METTL9: variants seen among roughly 807,000 people sequenced by gnomAD.
METTL9 encodes methyltransferase 9, His-X-His N1(pi)-histidine.
Under a neutral mutation model 36.0 loss-of-function variants are expected in METTL9, and 10 were observed. The ratio of observed to expected loss-of-function variants is 0.28; its 90% CI spans 0.17 to 0.47. METTL9 has a LOEUF of 0.47. METTL9 is among the 20% of genes least tolerant of loss of function. The pLI, the probability that METTL9 is intolerant of heterozygous loss-of-function variation, is 0.99. For missense variants in METTL9, 246 were observed against 383.5 expected (o/e 0.64, Z 3.00); for synonymous variants, 175 against 149.7 (o/e 1.17, Z -1.23).
rs757507004 is a variant in METTL9 at position 21,612,850 on chromosome 16, G to A, written c.356+15G>A. 3.2e-6 allele frequency: 5 copies of A among 1,553,640 alleles called. No individual in the cohort carries two copies. The East Asian group carries it at 7.0e-5, about 22-fold the overall frequency. ...TCTATCAATGGGTAAGTGAATCTTGGACATTTATTTTTTTCTTTATCCTTA... is the reference window on the plus strand; with the variant it reads ...TCTATCAATGGGTAAGTGAATCTTGAACATTTATTTTTTTCTTTATCCTTA... On this transcript the variant is annotated intron_variant, in intron 2 of 4. Transcript: ENST00000358154.
upstream of METTL9, chr16:21,599,372 C>G (rs1965030142): frequency 9.6e-7 from 1 of 1,045,422 alleles, no homozygotes; most frequent in African/African-American, 1.7e-5. The surrounding 1 kb of genome is among the most constrained non-coding windows in gnomAD (Gnocchi z 4.4). Context: ...AAGGCAGGGC[C>G]GGGACACGAG....
intron 4 of METTL9, chr16:21,627,038 G>C: frequency 5.1e-6 from 5 of 985,418 alleles, no homozygotes; most frequent in Non-Finnish European, 6.0e-6. Flanking sequence ...TGAGTCTGAG[G>C]AGTCTGGCAT....
intron 4 of METTL9, among the ~76,000 whole-genome samples, chr16:21,632,414 C>T (rs915289169): frequency 6.6e-6 from 1 of 152,142 alleles, no homozygotes; most frequent in Non-Finnish European, 1.5e-5. Context: ...CCCTTTGTAT[C>T]CCATTCTCCA....
chr16:21,621,149 A>AGAGAGTGT (rs1555489994), intron 3 of METTL9, among the ~76,000 whole-genome samples: 8 of 144,620 alleles, frequency 5.5e-5, no homozygotes, highest in African/African-American at 2.0e-4. Context: ...TGAGAGAGAG[A>AGAGAGTGT]GTGTGTGTGT....
chr16:21,604,474 G>C (rs1965220065), intron 1 of METTL9, among the ~76,000 whole-genome samples: 1 of 152,106 alleles, frequency 6.6e-6, no homozygotes, highest in Admixed American at 6.6e-5. Flanking sequence ...CCAGTAATTG[G>C]TTATTAAATC....
rs1320720454 is a variant in METTL9, at chr16:21,656,586, C to T, written c.*1154C>T. The T allele has an allele frequency of 2.6e-5, 4 of 152,112 alleles. No homozygotes were observed. Among genetic ancestry groups the T allele is most frequent in the African/African-American group, 9.7e-5 (4 of 41,410 alleles). The allele number at this position is 152,112 out of a possible 1,614,324, so 9.4% of individuals were successfully genotyped here. On this transcript the variant is annotated 3_prime_UTR_variant, in exon 5 of 5. Transcript: ENST00000358154. ...ATATTCCAAAGAGCAGAGCATTTAA[C>T]CCAGAATCTGAAATCTCAGTAATAA...
At chr16:21,626,906 G>A (rs1027292723) in intron 4 of METTL9, 1 of 964,448 alleles carries the variant, frequency 1.0e-6, no homozygotes, top group Non-Finnish European at 1.2e-6. Flanking sequence ...ATCTAACCAC[G>A]AATTTTATTT....
At chr16:21,615,953 G>A (rs1032309921) in intron 2 of METTL9, among the ~76,000 whole-genome samples, 1 of 152,120 alleles carries the variant, frequency 6.6e-6, no homozygotes, top group African/African-American at 2.4e-5. Flanking sequence ...GGTCTCTGAG[G>A]TCTTTCTCCA....
At chr16:21,632,323 G>T (rs550621620) in intron 4 of METTL9, among the ~76,000 whole-genome samples, 1 of 152,324 alleles carries the variant, frequency 6.6e-6, no homozygotes, top group African/African-American at 2.4e-5. Flanking sequence ...AGTGCCACTA[G>T]TTATGCTAAC....
At chr16:21,638,554 TATAAAG>T (rs1421334107) in intron 4 of METTL9, among the ~76,000 whole-genome samples, 1 of 152,150 alleles carries the variant, frequency 6.6e-6, no homozygotes, top group Non-Finnish European at 1.5e-5. Context: ...CAAGTGGAAA[TATAAAG>T]ATAAATGAGA....
At chr16:21,653,589 G>A (rs1377404812) in intron 4 of METTL9, 1 of 152,302 alleles carries the variant, frequency 6.6e-6, no homozygotes, top group African/African-American at 2.4e-5. Context: ...CCACAGCCAG[G>A]AAGAATGCCT....
intron 1 of METTL9, among the ~76,000 whole-genome samples, chr16:21,611,707 A>G (rs1196770264): frequency 1.3e-5 from 2 of 152,124 alleles, no homozygotes; most frequent in Non-Finnish European, 2.9e-5. Flanking sequence ...CTAGTCTACA[A>G]ATGAATGGAG....
intron 1 of METTL9, among the ~76,000 whole-genome samples, chr16:21,609,362 T>C (rs1965370217): frequency 6.6e-6 from 1 of 152,172 alleles, no homozygotes; most frequent in Admixed American, 6.5e-5. Flanking sequence ...TCTCTGCCTT[T>C]ATGAAGCTCT....
intron 2 of METTL9, among the ~76,000 whole-genome samples, chr16:21,617,357 G>A (rs1327416801): frequency 6.6e-6 from 1 of 151,182 alleles, no homozygotes; most frequent in African/African-American, 2.4e-5. Flanking sequence ...GGCGGAGCTT[G>A]CAGTGAGCAG....
chr16:21,599,632 T>G lies in METTL9; in HGVS notation c.-102T>G, dbSNP rs939621520. 7.5e-7 allele frequency: 1 copy of G among 1,335,052 alleles called. No individual in the cohort carries two copies. Among genetic ancestry groups the G allele is most frequent in the East Asian group, 3.2e-5 (1 of 30,970 alleles). 82.7% of individuals were successfully genotyped at this position (1,335,052 alleles called of 1,614,324 possible). ...GGCTGGATGGGCAAGGCGGCCGCGA[T>G]GGCTCGAGCTCGGGCGGTGGCGGCG... On this transcript the variant is annotated 5_prime_UTR_variant, in exon 1 of 5. An upstream start codon of the reference 5' UTR is lost. Transcript: ENST00000358154. This position sits in a 1 kb window ranked among gnomAD's most constrained non-coding sequence, Gnocchi z 4.4.
upstream of METTL9, among the ~76,000 whole-genome samples, chr16:21,597,722 C>T (rs1487066548): frequency 1.3e-5 from 2 of 152,278 alleles, no homozygotes; most frequent in Admixed American, 6.5e-5. Flanking sequence ...ATGAAGGCTT[C>T]CTTTTGTGAC....
At chr16:21,614,701 A>T (rs992185283) in intron 2 of METTL9, among the ~76,000 whole-genome samples, 1 of 152,194 alleles carries the variant, frequency 6.6e-6, no homozygotes, top group Admixed American at 6.5e-5. Context: ...TAGGATACTT[A>T]TCAAACTTCC....
chr16:21,611,135 A>C (rs1965415873), intron 1 of METTL9, among the ~76,000 whole-genome samples: 1 of 152,234 alleles, frequency 6.6e-6, no homozygotes, highest in African/African-American at 2.4e-5. Flanking sequence ...ATAAAGTCCA[A>C]GCAGTTTTGA....
At position 21,653,696 on chromosome 16, in the gene METTL9, C is replaced by T. The variant is rs1221073300; in HGVS notation, c.752-1531C>T. ...TTGTCAGCATCGCTCAACCACTGCC[C>T]CAGCCCCTTGGTCTCACTGCCATTG... On this transcript the variant is annotated intron_variant, in intron 4 of 4. Transcript: ENST00000358154. 2 of 152,848 alleles carry T rather than the reference C, an allele frequency of 1.3e-5. 1 individual carries two copies. Among genetic ancestry groups the T allele is most frequent in the African/African-American group, 4.8e-5 (2 of 41,460 alleles). The allele number at this position is 152,848 out of a possible 1,614,324, so 9.5% of individuals were successfully genotyped here.
Sources: allele counts gnomAD v4.1 joint callset (sites outside exome capture counted in the v4.1 genomes callset), GRCh38; gene constraint gnomAD v4.1.1; non-coding constraint Gnocchi (gnomAD v3.1); transcripts MANE v1.5; gene names NCBI Gene and HGNC (gene_info 2026-07-23, HGNC 2026-07-21).